The following KATNAL2 variants were observed in gnomAD, a reference collection of about 807,000 sequenced individuals.
KATNAL2 encodes katanin catalytic subunit A1 like 2, also known as katanin p60 ATPase-containing subunit A-like 2.
Under a neutral mutation model 76.3 loss-of-function variants are expected in KATNAL2, and 52 were observed. That is an observed-to-expected ratio of 0.68 (90% confidence interval 0.55 to 0.86). KATNAL2 has a LOEUF of 0.86. KATNAL2 is among the 40% of genes least tolerant of loss of function. The pLI is 0.00. For missense variants in KATNAL2, 660 were observed against 668.9 expected, an observed-to-expected ratio of 0.99 and a Z score of 0.15; for synonymous variants, 243 against 244.2, an observed-to-expected ratio of 1.00 and a Z score of 0.05.
intron 1 of KATNAL2, chr18:46,920,280 G>A: frequency 2.7e-6 from 1 of 370,314 alleles, no homozygotes; most frequent in Admixed American, 3.1e-5. Context: ...GCTTTGCCAA[G>A]TAGATCAAGT....
intron 4 of KATNAL2, among the ~76,000 whole-genome samples, chr18:47,046,982 A>G (rs1397442859): frequency 8.6e-5 from 13 of 151,830 alleles, no homozygotes; most frequent in African/African-American, 3.1e-4. Context: ...TTCTCTTGTC[A>G]AGGCTGGAGT....
At position 47,055,690 on chromosome 18, in the gene KATNAL2, T is replaced by G. The variant is rs187528243; in HGVS notation, c.332+1252T>G. On this transcript the variant is annotated intron_variant, in intron 6 of 17. Transcript: ENST00000683218. ...CTCTGGGTAATAAATGATAACTGCTTGTGCATAGAAATCATGAGGAGCGTT... is the reference window on the plus strand; with the variant it reads ...CTCTGGGTAATAAATGATAACTGCTGGTGCATAGAAATCATGAGGAGCGTT... Among the ~76,000 whole-genome samples the G allele has an allele frequency of 9.3e-4, 141 of 152,378 alleles. 2 individuals carry two copies. The highest frequency in any genetic ancestry group is 4.8e-3 in the South Asian group (23 of 4,828).
chr18:47,054,608 G>T lies in KATNAL2; in HGVS notation c.332+170G>T, dbSNP rs1441657858. On this transcript the variant is annotated intron_variant, in intron 6 of 17. Coordinates refer to ENST00000683218, the MANE Select transcript of KATNAL2 (RefSeq NM_001387690.1). ...TCTCATTACAGCTGCCCCAGATTTG[G>T]GCCAATGTCCGTCTACTCTCCTGGT... 3 of 677,382 alleles carry T rather than the reference G, an allele frequency of 4.4e-6. No individual in the cohort carries two copies. The Admixed American group carries it at 7.4e-5, about 17-fold the overall frequency. The allele number at this position is 677,382 out of a possible 1,614,324, so 42.0% of individuals were successfully genotyped here.
At chr18:46,923,860 G>T (rs1451282138) in intron 1 of KATNAL2, among the ~76,000 whole-genome samples, 6 of 152,204 alleles carry the variant, frequency 3.9e-5, no homozygotes, top group Non-Finnish European at 8.8e-5. Flanking sequence ...TCTTTTGGCT[G>T]CATAAATGTC....
At chr18:47,065,932 T>A (rs774056852) in intron 10 of KATNAL2, among the ~76,000 whole-genome samples, 25 of 151,558 alleles carry the variant, frequency 1.6e-4, no homozygotes, top group Non-Finnish European at 3.2e-4. Context: ...GCCACTGCCC[T>A]CCAGCCTGGG....
At chr18:46,947,868 G>A (rs989656409) in intron 3 of KATNAL2, among the ~76,000 whole-genome samples, 7 of 152,232 alleles carry the variant, frequency 4.6e-5, no homozygotes, top group African/African-American at 1.7e-4. Context: ...GGCTACACAT[G>A]TTGTTGCTAA....
intron 15 of KATNAL2, among the ~76,000 whole-genome samples, chr18:47,080,762 A>C (rs1241308353): frequency 6.6e-6 from 1 of 152,104 alleles, no homozygotes; most frequent in Admixed American, 6.5e-5. Context: ...AATGGTTTTG[A>C]TTTGCATTTC....
chr18:47,055,251 C>A (rs1287171357), intron 6 of KATNAL2, among the ~76,000 whole-genome samples: 1 of 152,186 alleles, frequency 6.6e-6, no homozygotes, highest in Non-Finnish European at 1.5e-5. Context: ...AACCTGTGGG[C>A]TGTTGCTATT....
chr18:47,056,890 T>C (rs1406555577), intron 6 of KATNAL2, among the ~76,000 whole-genome samples: 2 of 152,068 alleles, frequency 1.3e-5, no homozygotes, highest in Admixed American at 6.6e-5. Context: ...ACTATTAATA[T>C]AAGTTTGCAT....
chr18:47,031,407 G>T (rs1363605977), intron 3 of KATNAL2, among the ~76,000 whole-genome samples: 5 of 151,690 alleles, frequency 3.3e-5, no homozygotes, highest in African/African-American at 7.3e-5. Flanking sequence ...GACTTTTTTT[G>T]TGTCTCTCTG....
intron 11 of KATNAL2, 63 bp from the exon 12 acceptor site, chr18:47,069,157 T>A: frequency 8.6e-7 from 1 of 1,162,022 alleles, no homozygotes; most frequent in Non-Finnish European, 1.3e-6. Context: ...AGCTTGTCTG[T>A]GCTGAGAGTA....
intron 3 of KATNAL2, among the ~76,000 whole-genome samples, chr18:46,948,346 A>G (rs2059442568): frequency 6.6e-6 from 1 of 150,880 alleles, no homozygotes; most frequent in Non-Finnish European, 1.5e-5. Flanking sequence ...TTTTGAGCTC[A>G]GGCAATCTTC....
intron 3 of KATNAL2, among the ~76,000 whole-genome samples, chr18:46,958,128 T>G (rs990395742): frequency 1.4e-5 from 2 of 147,056 alleles, no homozygotes; most frequent in South Asian, 2.1e-4. Flanking sequence ...CAGCGTTTTG[T>G]TTTTTTTTTC....
Position 46,953,014 on chromosome 18 carries a change from C to T in KATNAL2, c.51+6091C>T, listed in dbSNP as rs2059615076. ...GGTTCAACCGATTCTCCTGACTCAG[C>T]CTTCTGAGTAACTGGGACTACAGGC... is the stretch of plus-strand genomic sequence containing the variant. On this transcript the variant is annotated intron_variant, in intron 3 of 17. Transcript: ENST00000683218. 2.6e-5 allele frequency among the ~76,000 whole-genome samples: 4 copies of T among 151,212 alleles called. No individual in the cohort carries two copies. The South Asian group carries it at 8.4e-4, about 32-fold the overall frequency.
intron 15 of KATNAL2, among the ~76,000 whole-genome samples, chr18:47,086,466 C>A (rs1049656228): frequency 2.6e-5 from 4 of 152,178 alleles, no homozygotes; most frequent in African/African-American, 9.7e-5. Context: ...CAGACACCCA[C>A]CACCATGCCC....
At chr18:46,951,831 C>T (rs2059566412) in intron 3 of KATNAL2, among the ~76,000 whole-genome samples, 2 of 152,062 alleles carry the variant, frequency 1.3e-5, no homozygotes, top group Non-Finnish European at 2.9e-5. Context: ...TCAGCAGTGG[C>T]CCGACCTTGG....
At chr18:47,059,694 TTC>T in intron 8 of KATNAL2, 40 bp downstream of exon 8, 1 of 1,320,392 alleles carries the variant, frequency 7.6e-7, no homozygotes, top group South Asian at 1.2e-5. Flanking sequence ...AAGTGGTAAT[TTC>T]TTTTTCCTTT....
Position 47,052,901 on chromosome 18 carries a change from T to C in KATNAL2, c.144T>C (p.Ala48=), listed in dbSNP as rs1276514379. ...TQEGYIDTAN[A]LEQETKLGLR... Reference sequence around the variant, plus strand: ...CCAGGTATATCGATACAGCAAATGCTTTGGAGCAAGAAACTAAACTGGGGT... The same window carrying C: ...CCAGGTATATCGATACAGCAAATGCCTTGGAGCAAGAAACTAAACTGGGGT... The change falls in exon 5 of 18, where the codon GCT becomes GCC. Residue 48 remains alanine (A), a synonymous_variant. Coordinates refer to ENST00000683218, the MANE Select transcript of KATNAL2 (RefSeq NM_001387690.1). 6.2e-7 allele frequency: 1 copy of C among 1,609,880 alleles called. No homozygotes were observed. The highest frequency in any genetic ancestry group is 2.2e-5 in the East Asian group (1 of 44,820).
At chr18:46,961,731 T>C (rs2146807062) in intron 3 of KATNAL2, among the ~76,000 whole-genome samples, 1 of 152,330 alleles carries the variant, frequency 6.6e-6, no homozygotes, top group South Asian at 2.1e-4. Context: ...AGTTGAATTT[T>C]TCACAGACCT....
Sources: allele counts gnomAD v4.1 joint callset (sites outside exome capture counted in the v4.1 genomes callset), GRCh38; gene constraint gnomAD v4.1.1; transcripts MANE v1.5; gene names NCBI Gene and HGNC (gene_info 2026-07-23, HGNC 2026-07-21).